Variants in DENND1A observed in about 807,000 individuals in gnomAD.
DENND1A encodes DENN domain containing 1A.
In DENND1A, 51 loss-of-function variants were observed where a neutral mutation model predicts 113.7. That is an observed-to-expected ratio of 0.45 (90% CI 0.36 to 0.57). The LOEUF is 0.57. Among genes scored for constraint, DENND1A ranks in the 20% least tolerant of loss-of-function variants. The pLI is 0.00. For missense variants in DENND1A, 1,258 were observed against 1,395.9 expected, an observed-to-expected ratio of 0.90 and a Z score of 1.57; for synonymous variants, 565 against 570.8, an observed-to-expected ratio of 0.99 and a Z score of 0.14.
rs553131471 is a variant in DENND1A, at chr9:123,499,555, A to G, written c.994-41658T>C. Among the ~76,000 whole-genome samples, 6 of 152,340 alleles carry G rather than the reference A, an allele frequency of 3.9e-5. No homozygotes were observed. The South Asian group carries it at 1.2e-3, about 32-fold the overall frequency. ...CCCTCACAACAACCCCAAGAGGTAG[A>G]GATGATTACAATTCCCATTTTGTAT... On this transcript the variant is annotated intron_variant, in intron 13 of 23. Coordinates refer to ENST00000394215, the MANE Select transcript of DENND1A (RefSeq NM_001352964.2).
intron 3 of DENND1A, among the ~76,000 whole-genome samples, chr9:123,783,862 T>A (rs1192928188): frequency 2.0e-5 from 3 of 152,196 alleles, no homozygotes; most frequent in Non-Finnish European, 4.4e-5. Context: ...ATTTCTACAT[T>A]TGAAGCGTTC....
intron 2 of DENND1A, among the ~76,000 whole-genome samples, chr9:123,860,247 G>A (rs1019487158): frequency 2.0e-5 from 3 of 152,116 alleles, no homozygotes; most frequent in Admixed American, 2.0e-4. Flanking sequence ...ATATACCATG[G>A]ACAACTGAAA....
At chr9:123,643,232 G>A (rs1187164910) in intron 9 of DENND1A, among the ~76,000 whole-genome samples, 2 of 152,186 alleles carry the variant, frequency 1.3e-5, no homozygotes, top group East Asian at 3.9e-4. Context: ...CAGTTAGGAA[G>A]AAACTGACAG....
At chr9:123,497,813 CAA>C (rs755257150) in intron 13 of DENND1A, among the ~76,000 whole-genome samples, 13 of 101,752 alleles carry the variant, frequency 1.3e-4, no homozygotes, top group Admixed American at 3.2e-4. Flanking sequence ...CTCTTCCATC[CAA>C]AAAAAAAAAA....
chr9:123,671,713 G>A (rs189158906), intron 6 of DENND1A, among the ~76,000 whole-genome samples: 29 of 152,204 alleles, frequency 1.9e-4, no homozygotes, highest in Middle Eastern at 3.4e-3. Context: ...CTTACAGGGC[G>A]GGGGTGGTTA....
chr9:123,524,789 G>A (rs928585676), intron 13 of DENND1A, among the ~76,000 whole-genome samples: 1 of 152,198 alleles, frequency 6.6e-6, no homozygotes, highest in Non-Finnish European at 1.5e-5. Context: ...TTGTACCTTT[G>A]TGCTCTTTAC....
At chr9:123,533,835 A>G (rs2055523240) in intron 13 of DENND1A, among the ~76,000 whole-genome samples, 1 of 152,228 alleles carries the variant, frequency 6.6e-6, no homozygotes, top group Non-Finnish European at 1.5e-5. Context: ...CGTACATTCA[A>G]GCTGAACCAC....
In DENND1A at chr9:123,643,498, T is replaced by C. The variant is rs976228355; in HGVS notation, c.618+8515A>G. ...CAGTATCCCTAAATTATAAAGGGGG[T>C]GATTAGGACCAAGATACACTGCTCG... On this transcript the variant is annotated intron_variant, in intron 9 of 23. Transcript: ENST00000394215. Among the ~76,000 whole-genome samples the C allele has an allele frequency of 2.0e-5, 3 of 152,058 alleles. No homozygotes were observed. In the South Asian group the frequency reaches 6.2e-4, roughly 32 times the overall value.
intron 4 of DENND1A, 31 bp from the exon 5 acceptor site, chr9:123,757,853 G>T: frequency 6.2e-7 from 1 of 1,607,082 alleles, no homozygotes. Context: ...AGGGGAAAAT[G>T]AATGTGCAGT....
At chr9:123,588,637 G>C (rs573169510) in intron 11 of DENND1A, among the ~76,000 whole-genome samples, 1,427 of 133,702 alleles carry the variant, frequency 0.011, 42 homozygotes, top group Non-Finnish European at 0.013. Context: ...AAAAAAAGGG[G>C]GGGGGGGAAG....
intron 17 of DENND1A, among the ~76,000 whole-genome samples, chr9:123,450,986 T>C (rs1229130157): frequency 6.6e-6 from 1 of 152,214 alleles, no homozygotes; most frequent in Non-Finnish European, 1.5e-5. Flanking sequence ...CACAGATTTT[T>C]TTTTTCTTTC....
At chr9:123,538,150 T>G (rs1344491203) in intron 13 of DENND1A, among the ~76,000 whole-genome samples, 1 of 152,242 alleles carries the variant, frequency 6.6e-6, no homozygotes, top group East Asian at 1.9e-4. Flanking sequence ...TTTTGGAGAT[T>G]ATGAAACTAA....
At chr9:123,594,268 A>T (rs2059590073) in intron 11 of DENND1A, among the ~76,000 whole-genome samples, 2 of 152,174 alleles carry the variant, frequency 1.3e-5, no homozygotes. Context: ...CATCTTACTG[A>T]CACACACAAC....
intron 16 of DENND1A, among the ~76,000 whole-genome samples, chr9:123,452,694 T>C (rs2047822157): frequency 1.3e-5 from 2 of 152,044 alleles, no homozygotes; most frequent in Non-Finnish European, 2.9e-5. Flanking sequence ...CTGTGGCTTT[T>C]CAAGATATTC....
At chr9:123,424,318 G>C (rs1311639906) in intron 19 of DENND1A, among the ~76,000 whole-genome samples, 5 of 152,164 alleles carry the variant, frequency 3.3e-5, no homozygotes, top group Non-Finnish European at 7.4e-5. Flanking sequence ...GAGGAACACA[G>C]CCTGTGTCCA....
intron 13 of DENND1A, among the ~76,000 whole-genome samples, chr9:123,516,496 AAC>A (rs1305628646): frequency 6.6e-6 from 1 of 152,176 alleles, no homozygotes; most frequent in African/African-American, 2.4e-5. Flanking sequence ...CAAAAATTAA[AAC>A]AATTCATTTC....
intron 13 of DENND1A, among the ~76,000 whole-genome samples, chr9:123,466,243 T>C (rs1165125466): frequency 1.3e-5 from 2 of 152,062 alleles, no homozygotes; most frequent in African/African-American, 4.8e-5. Context: ...ATGATCCTCT[T>C]GCCTCAGCCT....
chr9:123,416,677 G>A (rs1179927069), intron 19 of DENND1A, among the ~76,000 whole-genome samples: 1 of 152,252 alleles, frequency 6.6e-6, no homozygotes, highest in Non-Finnish European at 1.5e-5. Context: ...GCCAGGGCAG[G>A]AGGGGAGAGA....
intron 5 of DENND1A, among the ~76,000 whole-genome samples, chr9:123,726,754 C>G (rs2141251418): frequency 6.6e-6 from 1 of 152,286 alleles, no homozygotes; most frequent in East Asian, 1.9e-4. Context: ...CCAGAGACCA[C>G]AGAAGGGGTT....
Sources: allele counts gnomAD v4.1 joint callset (sites outside exome capture counted in the v4.1 genomes callset), GRCh38; gene constraint gnomAD v4.1.1; transcripts MANE v1.5; gene names NCBI Gene and HGNC (gene_info 2026-07-23, HGNC 2026-07-21).